Variants in CNTN6 observed in about 807,000 individuals in gnomAD.
CNTN6 encodes contactin 6.
Under a neutral mutation model 122.8 loss-of-function variants are expected in CNTN6, and 137 were observed. The ratio of observed to expected loss-of-function variants is 1.12; its 90% CI spans 0.97 to 1.29. The LOEUF (loss-of-function observed/expected upper bound fraction) is 1.29. CNTN6 is among the 50% of genes most tolerant of loss of function. The pLI is 0.00. For missense variants in CNTN6, 1,634 were observed against 1,223.4 expected (o/e 1.34, Z -5.01); for synonymous variants, 570 against 426.0 (o/e 1.34, Z -4.16).
In CNTN6 at chr3:1,352,444, T is replaced by C; in HGVS notation, c.1485T>C (p.Ile495=). The C allele has an allele frequency of 1.9e-6, 3 of 1,609,646 alleles. No individual in the cohort carries two copies. The highest frequency in any genetic ancestry group is 2.5e-6 in the Non-Finnish European group (3 of 1,177,120). Residue 495 remains isoleucine (I), a synonymous_variant, in exon 12 of 23, where the codon ATT becomes ATC. Transcript: ENST00000446702. ...FGTAKNTGSL[I]VKERTVITVP... Reference sequence around the variant, plus strand: ...CTGCAAAGAACACTGGCAGCCTCATTGTAAAAGGTATCATATTATCTTCAT... The same window carrying C: ...CTGCAAAGAACACTGGCAGCCTCATCGTAAAAGGTATCATATTATCTTCAT...
intron 4 of CNTN6, among the ~76,000 whole-genome samples, chr3:1,258,285 A>C (rs1333277941): frequency 2.0e-5 from 3 of 152,150 alleles, no homozygotes; most frequent in Non-Finnish European, 4.4e-5. Flanking sequence ...CTGAAATTCC[A>C]ATAAATTATT....
intron 12 of CNTN6, among the ~76,000 whole-genome samples, chr3:1,369,738 ATCC>A (rs1299490367): frequency 6.6e-6 from 1 of 151,950 alleles, no homozygotes; most frequent in Non-Finnish European, 1.5e-5. Context: ...TAGCCAACTT[ATCC>A]TCCTATAAAT....
At chr3:1,280,696 C>T (rs1007165970) in intron 5 of CNTN6, among the ~76,000 whole-genome samples, 50 of 151,974 alleles carry the variant, frequency 3.3e-4, no homozygotes, top group African/African-American at 1.2e-3. Flanking sequence ...AACTCCTAAC[C>T]TCAGGTGATC....
chr3:1,350,424 G>C (rs1337160158), intron 11 of CNTN6, among the ~76,000 whole-genome samples: 4 of 151,882 alleles, frequency 2.6e-5, no homozygotes. Context: ...CTCCTACTTA[G>C]CTAGTTAGTC....
chr3:1,353,647 T>C (rs1706045743), intron 12 of CNTN6, among the ~76,000 whole-genome samples: 2 of 151,774 alleles, frequency 1.3e-5, no homozygotes, highest in South Asian at 4.1e-4. Flanking sequence ...TTTTTGGCAA[T>C]ACTCAGACAC....
intron 4 of CNTN6, among the ~76,000 whole-genome samples, chr3:1,249,495 C>T (rs2094629339): frequency 1.3e-5 from 2 of 152,172 alleles, no homozygotes; most frequent in South Asian, 4.1e-4. Context: ...AATAGGTTTT[C>T]AAACTGTATT....
chr3:1,385,717 A>C lies in CNTN6; in HGVS notation c.2624A>C (p.Tyr875Ser). The C allele has an allele frequency of 1.2e-6, 2 of 1,614,110 alleles. No homozygotes were observed. The highest frequency in any genetic ancestry group is 1.7e-6 in the Non-Finnish European group (2 of 1,179,964). ...NITGLKANTI[Y>S]FASVRAYNTA... Reference sequence around the variant, plus strand: ...ACGGGGCTGAAAGCTAATACCATCTACTTTGCTTCCGTAAGAGCTTACAAC... The same window carrying C: ...ACGGGGCTGAAAGCTAATACCATCTCCTTTGCTTCCGTAAGAGCTTACAAC... Residue 875 changes from tyrosine to serine, a missense_variant, in exon 20 of 23, where the codon TAC becomes TCC. Coordinates refer to ENST00000446702, the MANE Select transcript of CNTN6 (RefSeq NM_001289080.2).
chr3:1,204,966 A>G (rs541949849), intron 2 of CNTN6, among the ~76,000 whole-genome samples: 3 of 152,136 alleles, frequency 2.0e-5, no homozygotes, highest in South Asian at 2.1e-4. Context: ...TACGGTTAAA[A>G]ATGGAATTGA....
chr3:1,139,160 T>G (rs1336825617), intron 1 of CNTN6, among the ~76,000 whole-genome samples: 2 of 152,208 alleles, frequency 1.3e-5, no homozygotes, highest in African/African-American at 4.8e-5. Context: ...TTTTGCATTC[T>G]AATAGTACAG....
intron 2 of CNTN6, among the ~76,000 whole-genome samples, chr3:1,182,967 A>C (rs748495504): frequency 2.0e-5 from 3 of 152,120 alleles, no homozygotes; most frequent in Non-Finnish European, 4.4e-5. Flanking sequence ...GTCTCAAGTG[A>C]TTATTGTTTA....
At chr3:1,350,699 T>G (rs1705486629) in intron 11 of CNTN6, among the ~76,000 whole-genome samples, 1 of 151,806 alleles carries the variant, frequency 6.6e-6, no homozygotes, top group South Asian at 2.1e-4. Context: ...ATTGACTTAG[T>G]GGCTGGAAAA....
rs1386900584 is a variant in CNTN6, at chr3:1,297,970, T to A, written c.740T>A (p.Leu247Gln). The change falls in exon 7 of 23, where the codon CTG becomes CAG. Residue 247 changes from leucine (L) to glutamine (Q), a missense_variant. Physicochemically the swap from Leu to Gln is moderately radical, Grantham distance 113 (BLOSUM62 -2). Transcript: ENST00000446702. ...IQAAKDSSVK[L>Q]ECFALGNPVP... ...GCTGCAAAGGATTCATCTGTAAAAC[T>A]GGAATGTTTTGCCCTTGGAAAGTAA... The A allele has an allele frequency of 6.2e-7, 1 of 1,609,740 alleles. No homozygotes were observed. The highest frequency in any genetic ancestry group is 8.5e-7 in the Non-Finnish European group (1 of 1,178,712).
At chr3:1,215,428 G>T (rs1417931078) in intron 2 of CNTN6, among the ~76,000 whole-genome samples, 1 of 152,094 alleles carries the variant, frequency 6.6e-6, no homozygotes, top group Non-Finnish European at 1.5e-5. Context: ...TATCTGTTTT[G>T]TTGCTTGCCT....
chr3:1,377,251 G>A (rs1332422665), intron 17 of CNTN6, among the ~76,000 whole-genome samples, 176 bp downstream of exon 17: 3 of 152,142 alleles, frequency 2.0e-5, no homozygotes, highest in Non-Finnish European at 4.4e-5. Flanking sequence ...TTTTCTCATG[G>A]TGAGACAGTA....
rs78868239 is a variant in CNTN6, at chr3:1,302,016, T to C, written c.761+4025T>C. Among the ~76,000 whole-genome samples, 151 of 152,272 alleles carry C rather than the reference T, an allele frequency of 9.9e-4. No individual in the cohort carries two copies. In the East Asian group the frequency reaches 0.015, roughly 15 times the overall value. On this transcript the variant is annotated intron_variant, in intron 7 of 22. Transcript: ENST00000446702. ...CAAATGCCATATTGTCTTCTAAATATATAAAATTAACAAGCATAAAAGGCG... is the reference window on the plus strand; with the variant it reads ...CAAATGCCATATTGTCTTCTAAATACATAAAATTAACAAGCATAAAAGGCG...
chr3:1,363,511 A>G (rs1349356907), intron 12 of CNTN6, among the ~76,000 whole-genome samples: 2 of 151,928 alleles, frequency 1.3e-5, no homozygotes, highest in African/African-American at 2.4e-5. Flanking sequence ...TAGATCATAC[A>G]GGATTTTTCT....
intron 4 of CNTN6, among the ~76,000 whole-genome samples, chr3:1,238,473 A>C (rs989239979): frequency 1.3e-5 from 2 of 152,204 alleles, no homozygotes; most frequent in Admixed American, 6.5e-5. Flanking sequence ...AATGAGATAG[A>C]TGGCAACACA....
chr3:1,384,796 TACAC>T (rs1168789647), intron 19 of CNTN6, among the ~76,000 whole-genome samples: 8 of 133,790 alleles, frequency 6.0e-5, no homozygotes, highest in East Asian at 2.2e-4. Context: ...TATATATATA[TACAC>T]ACACACACAC....
intron 3 of CNTN6, 141 bp downstream of exon 3, chr3:1,220,954 A>G: frequency 3.4e-6 from 3 of 877,590 alleles, no homozygotes; most frequent in Non-Finnish European, 1.6e-6. Flanking sequence ...CAGCCATGTG[A>G]CAATCACTCA....
Sources: gnomAD v4.1 joint callset for allele counts (sites outside exome capture counted in the v4.1 genomes callset) on GRCh38, gnomAD v4.1.1 for gene constraint, MANE v1.5 for transcripts, NCBI Gene and HGNC (gene_info 2026-07-23, HGNC 2026-07-21) for gene names.